The following PPT1 variants were observed in gnomAD, a reference collection of about 807,000 sequenced individuals.
The protein encoded by PPT1 is palmitoyl-protein thioesterase 1, also known as ceroid-palmitoyl-palmitoyl-protein thioesterase 1.
Under a neutral mutation model 44.0 loss-of-function variants are expected in PPT1, and 24 were observed. The ratio of observed to expected loss-of-function variants is 0.54; its 90% CI spans 0.39 to 0.77. PPT1 has a LOEUF of 0.77. Ranked by LOEUF, PPT1 falls within the 30% of genes least tolerant of loss-of-function variation. PPT1 has a pLI of 0.00. For missense variants in PPT1, 341 were observed against 378.8 expected (o/e 0.90, Z 0.83); for synonymous variants, 148 against 140.2 (o/e 1.06, Z -0.39).
chr1:40,071,835 G>T, downstream of PPT1: 1 of 465,914 alleles, frequency 2.1e-6, no homozygotes, highest in Non-Finnish European at 3.8e-6. Flanking sequence ...AGCTTTTGGG[G>T]GTTATTCTAC....
At chr1:40,076,485 C>T (rs770496002) in intron 8 of PPT1, 1 of 529,844 alleles carries the variant, frequency 1.9e-6, no homozygotes, top group Admixed American at 6.4e-5. Context: ...AAAGGAATGC[C>T]CCTCATCATG....
chr1:40,085,364 T>C (rs190664604), intron 5 of PPT1, among the ~76,000 whole-genome samples: 62 of 152,188 alleles, frequency 4.1e-4, no homozygotes, highest in Non-Finnish European at 7.2e-4. Flanking sequence ...TGGCTCACAC[T>C]CCTTACCCTG....
chr1:40,073,750 C>T lies in PPT1; in HGVS notation c.*311G>A, dbSNP rs1258964989. On this transcript the variant is annotated 3_prime_UTR_variant, in exon 9 of 9. Coordinates refer to ENST00000642050, the MANE Select transcript of PPT1 (RefSeq NM_000310.4). Reference sequence around the variant, plus strand: ...ATCTCACTACTTTAGTTAGTTGTCTCCTTTGGGCCTGGGCACAGTTCTGGC... The same window carrying T: ...ATCTCACTACTTTAGTTAGTTGTCTTCTTTGGGCCTGGGCACAGTTCTGGC... 5.4e-6 allele frequency: 2 copies of T among 368,318 alleles called. No homozygotes were observed. Among genetic ancestry groups the T allele is most frequent in the Admixed American group, 4.0e-5 (1 of 24,814 alleles). The allele number at this position is 368,318 out of a possible 1,614,324, so 22.8% of individuals were successfully genotyped here.
At chr1:40,077,083 A>G (rs1648668149) in intron 7 of PPT1, among the ~76,000 whole-genome samples, 170 bp from the exon 8 acceptor site, 2 of 152,258 alleles carry the variant, frequency 1.3e-5, no homozygotes, top group African/African-American at 4.8e-5. Flanking sequence ...TTAAGGGTGG[A>G]GCCCGAGGGA....
rs1297271407 is a variant in PPT1, at chr1:40,092,464, T to G, written c.168A>C (p.Lys56Asn). Residue 56 changes from lysine to asparagine, a missense_variant, in exon 2 of 9, where the codon AAA becomes AAC. By Grantham distance (94) the Lys-to-Asn change is moderately conservative. Coordinates refer to ENST00000642050, the MANE Select transcript of PPT1 (RefSeq NM_000310.4). ...TTCCAGGTATTTTCTTCTCCACCAT[T>G]TTTTTAATAGCACCCATGCTTAAGG... ...CNPLSMGAIKKMVEKKIPGIY... is the reference protein window; with the variant it reads ...CNPLSMGAIKNMVEKKIPGIY... 2 of 1,613,928 alleles carry G rather than the reference T, an allele frequency of 1.2e-6. No individual in the cohort carries two copies. Among genetic ancestry groups the G allele is most frequent in the East Asian group, 4.5e-5 (2 of 44,886 alleles).
intron 1 of PPT1, chr1:40,094,008 C>T (rs767171204): frequency 1.1e-5 from 8 of 708,558 alleles, no homozygotes; most frequent in South Asian, 4.5e-5. Context: ...GTTTGGGCAA[C>T]ATAACGAGAC....
chr1:40,073,732 T>C lies in PPT1; in HGVS notation c.*329A>G, dbSNP rs1301271827. On this transcript the variant is annotated 3_prime_UTR_variant, in exon 9 of 9. Transcript: ENST00000642050. ...TGTTTGCCCTTAGAATCTATCTCACTACTTTAGTTAGTTGTCTCCTTTGGG... is the reference window on the plus strand; with the variant it reads ...TGTTTGCCCTTAGAATCTATCTCACCACTTTAGTTAGTTGTCTCCTTTGGG... 3.2e-6 allele frequency: 1 copy of C among 313,178 alleles called. No homozygotes were observed. Among genetic ancestry groups the C allele is most frequent in the African/African-American group, 2.1e-5 (1 of 46,520 alleles). 19.4% of individuals were successfully genotyped at this position (313,178 alleles called of 1,614,324 possible).
intron 5 of PPT1, 51 bp downstream of exon 5, chr1:40,089,359 A>AT (rs754312103): frequency 7.1e-7 from 1 of 1,413,350 alleles, no homozygotes; most frequent in South Asian, 1.1e-5. Flanking sequence ...AGTCAGCATG[A>AT]TATTTTCACA....
At chr1:40,094,019 CCT>C (rs1310705290) in intron 1 of PPT1, 5 of 699,488 alleles carry the variant, frequency 7.1e-6, no homozygotes, top group Non-Finnish European at 7.9e-6. Flanking sequence ...ATAACGAGAC[CCT>C]GTCTCAAAAA....
intron 1 of PPT1, chr1:40,096,900 GCT>G: frequency 3.8e-6 from 3 of 796,778 alleles, no homozygotes; most frequent in South Asian, 1.8e-5. Context: ...GCCGTGCGCG[GCT>G]CTCTCTTTCC....
At chr1:40,083,172 G>C (rs193289577) in intron 5 of PPT1, among the ~76,000 whole-genome samples, 28 of 152,308 alleles carry the variant, frequency 1.8e-4, no homozygotes, top group Middle Eastern at 3.4e-3. Flanking sequence ...ACGCAGCTGG[G>C]CATGGTGGCT....
In PPT1 at chr1:40,091,403, C is replaced by A. The variant is rs117284255; in HGVS notation, c.363-4G>T. 11 of 1,612,350 alleles carry A rather than the reference C, an allele frequency of 6.8e-6. No homozygotes were observed. Among genetic ancestry groups the A allele is most frequent in the South Asian group, 4.4e-5 (4 of 90,924 alleles). On this transcript the variant is annotated splice_polypyrimidine_tract_variant and splice_region_variant and intron_variant, in intron 3 of 8. Coordinates refer to ENST00000642050, the MANE Select transcript of PPT1 (RefSeq NM_000310.4). ...GCATCTCTGAGCCACTGCCCTCCTA[C>A]GGAATAAAAGGGAGTTTTAGCTCCG...
At chr1:40,089,571 A>G (rs1359028306) in intron 4 of PPT1, 59 bp from the exon 5 acceptor site, 1 of 1,218,364 alleles carries the variant, frequency 8.2e-7, no homozygotes, top group Non-Finnish European at 1.2e-6. Flanking sequence ...AATACCCACT[A>G]TGCACAAGGC....
downstream of PPT1, chr1:40,072,212 A>G (rs1381942026): frequency 2.6e-6 from 1 of 383,776 alleles, no homozygotes; most frequent in African/African-American, 2.2e-5. Flanking sequence ...TTTCTCTGGG[A>G]TCCCTGCCCA....
chr1:40,071,547 G>A (rs780470291), downstream of PPT1: 4 of 1,569,334 alleles, frequency 2.5e-6, no homozygotes, highest in South Asian at 4.4e-5. Flanking sequence ...AAGTGCCACT[G>A]GGTTCTTTGC....
chr1:40,077,179 C>A (rs1648673175), intron 7 of PPT1, among the ~76,000 whole-genome samples: 1 of 152,224 alleles, frequency 6.6e-6, no homozygotes. Context: ...TGAAAAATTC[C>A]TGTGCTGAGC....
intron 4 of PPT1, 83 bp from the exon 5 acceptor site, chr1:40,089,595 A>G (rs141020294): frequency 4.0e-4 from 403 of 1,004,972 alleles, no homozygotes; most frequent in Middle Eastern, 2.5e-3. Flanking sequence ...GTGAGAAACA[A>G]AATGAACAGG....
intron 1 of PPT1, among the ~76,000 whole-genome samples, chr1:40,096,512 G>A (rs995600082): frequency 1.3e-5 from 2 of 152,056 alleles, no homozygotes; most frequent in Admixed American, 1.3e-4. Context: ...CTCATGTGAT[G>A]GGTTGCACAA....
chr1:40,093,969 G>GAT, intron 1 of PPT1: 1 of 716,276 alleles, frequency 1.4e-6, no homozygotes, highest in Non-Finnish European at 2.6e-6. Flanking sequence ...GAGGCAGGAG[G>GAT]ATTGCTTGAG....
Sources: gnomAD v4.1 joint callset for allele counts (sites outside exome capture counted in the v4.1 genomes callset) on GRCh38, gnomAD v4.1.1 for gene constraint, MANE v1.5 for transcripts, NCBI Gene and HGNC (gene_info 2026-07-23, HGNC 2026-07-21) for gene names.